The following ZNF532 variants were observed in gnomAD, a reference collection of about 807,000 sequenced individuals.
ZNF532 encodes zinc finger protein 532.
ZNF532 carries 22 observed loss-of-function variants against 89.3 expected under a neutral mutation model. The ratio of observed to expected loss-of-function variants is 0.25; its 90% confidence interval spans 0.18 to 0.35. The LOEUF (loss-of-function observed/expected upper bound fraction) is 0.35, where lower values mean the gene tolerates loss of function less well. Ranked by LOEUF, ZNF532 falls within the 10% of genes least tolerant of loss-of-function variation. ZNF532 has a pLI of 1.00. For missense variants in ZNF532, 1,132 were observed against 1,643.4 expected (o/e 0.69, Z 5.38); for synonymous variants, 606 against 649.6 (o/e 0.93, Z 1.02).
At chr18:58,969,872 CCTTTTT>C (rs2066288346) in intron 7 of ZNF532, among the ~76,000 whole-genome samples, 1 of 134,572 alleles carries the variant, frequency 7.4e-6, no homozygotes, top group African/African-American at 3.0e-5. Context: ...AATATTTGTC[CCTTTTT>C]TTTTTTTTTT....
chr18:58,943,858 A>G (rs970761985), intron 5 of ZNF532, among the ~76,000 whole-genome samples: 1 of 152,176 alleles, frequency 6.6e-6, no homozygotes, highest in Non-Finnish European at 1.5e-5. Context: ...TTTATTTGCA[A>G]TTTCTAAATG....
At chr18:58,965,141 G>C (rs1444072038) in intron 7 of ZNF532, among the ~76,000 whole-genome samples, 1 of 151,754 alleles carries the variant, frequency 6.6e-6, no homozygotes, top group Non-Finnish European at 1.5e-5. Flanking sequence ...TTAATGTAAG[G>C]CTATAAATGT....
intron 7 of ZNF532, among the ~76,000 whole-genome samples, chr18:58,963,770 C>A (rs187571545): frequency 6.8e-6 from 1 of 147,938 alleles, no homozygotes; most frequent in Non-Finnish European, 1.5e-5. Context: ...TGCAGTGAGC[C>A]GCAGTCGTGT....
chr18:58,873,983 A>C (rs570670537), intron 2 of ZNF532, among the ~76,000 whole-genome samples: 1 of 145,374 alleles, frequency 6.9e-6, no homozygotes, highest in South Asian at 2.3e-4. Flanking sequence ...GGAGGATTAA[A>C]TGCATATATA....
At chr18:58,929,022 A>G (rs2061743500) in intron 3 of ZNF532, among the ~76,000 whole-genome samples, 1 of 152,220 alleles carries the variant, frequency 6.6e-6, no homozygotes, top group Admixed American at 6.5e-5. Context: ...TGTGGCATTT[A>G]TATCAGCTGT....
chr18:58,907,071 A>G (rs2059975335), intron 2 of ZNF532, among the ~76,000 whole-genome samples: 1 of 152,124 alleles, frequency 6.6e-6, no homozygotes, highest in Non-Finnish European at 1.5e-5. Context: ...CACAGGTCTC[A>G]CCTCCTCCTC....
chr18:58,915,549 T>C (rs2060544318), intron 2 of ZNF532, among the ~76,000 whole-genome samples: 1 of 152,154 alleles, frequency 6.6e-6, no homozygotes, highest in Admixed American at 6.5e-5. Context: ...CTAACTCTGC[T>C]TTAGCTGGGC....
chr18:58,963,253 C>T (rs916117393), intron 7 of ZNF532, among the ~76,000 whole-genome samples: 4 of 152,116 alleles, frequency 2.6e-5, no homozygotes, highest in African/African-American at 9.7e-5. Flanking sequence ...GTTCCTAAAG[C>T]CTTTAAGAAA....
At chr18:58,878,790 A>G (rs7231131) in intron 2 of ZNF532, among the ~76,000 whole-genome samples, 36,266 of 152,176 alleles carry the variant, frequency 0.24, 5,628 homozygotes, top group East Asian at 0.59. Flanking sequence ...GCCCAGGGTT[A>G]GCAGCTGTCA....
intron 3 of ZNF532, among the ~76,000 whole-genome samples, chr18:58,928,539 C>T (rs944061826): frequency 1.3e-5 from 2 of 152,152 alleles, no homozygotes; most frequent in South Asian, 2.1e-4. Context: ...CTCTGGTACA[C>T]GATCTGGGCC....
At chr18:58,863,879 T>A, upstream of ZNF532, 1 of 151,922 alleles carries the variant, frequency 6.6e-6, no homozygotes, top group Non-Finnish European at 1.5e-5. Flanking sequence ...TCGTGCCCAC[T>A]CCTGCGGGCC....
intron 6 of ZNF532, among the ~76,000 whole-genome samples, chr18:58,952,123 G>A (rs552626482): frequency 6.6e-6 from 1 of 152,232 alleles, no homozygotes; most frequent in Non-Finnish European, 1.5e-5. Context: ...GAGAAAATGT[G>A]ATGGAGAGTG....
At chr18:58,941,967 C>CCTCT (rs2063099989) in intron 5 of ZNF532, among the ~76,000 whole-genome samples, 1 of 133,290 alleles carries the variant, frequency 7.5e-6, no homozygotes, top group Non-Finnish European at 1.7e-5. Flanking sequence ...TCCCTCTCTC[C>CCTCT]CTCCCTCCCT....
At chr18:58,965,656 CTG>C (rs1437482342) in intron 7 of ZNF532, among the ~76,000 whole-genome samples, 2 of 152,208 alleles carry the variant, frequency 1.3e-5, no homozygotes, top group Non-Finnish European at 2.9e-5. Context: ...TTTTGGAAGA[CTG>C]TGAATGTCCT....
chr18:58,931,865 A>C (rs892767993), intron 3 of ZNF532: 1 of 152,218 alleles, frequency 6.6e-6, no homozygotes, highest in African/African-American at 2.4e-5. Flanking sequence ...GCTTGAGGCC[A>C]GGAGGTGGAG....
At chr18:58,872,769 G>A (rs1294160770) in intron 2 of ZNF532, among the ~76,000 whole-genome samples, 5 of 149,338 alleles carry the variant, frequency 3.3e-5, no homozygotes, top group African/African-American at 1.2e-4. Context: ...GCGTGATCTC[G>A]GCTCACTGCA....
intron 2 of ZNF532, among the ~76,000 whole-genome samples, chr18:58,902,152 GC>G (rs1356237571): frequency 1.3e-5 from 2 of 152,152 alleles, no homozygotes; most frequent in African/African-American, 4.8e-5. Flanking sequence ...TCTCTGTGGG[GC>G]CTGGTCTGTG....
intron 6 of ZNF532, 88 bp from the exon 7 acceptor site, chr18:58,953,430 A>T: frequency 8.6e-7 from 1 of 1,160,312 alleles, no homozygotes; most frequent in South Asian, 1.6e-5. Context: ...TGGTGTTGAA[A>T]TGTGTACCAC....
chr18:58,973,009 A>G (rs995610711), intron 7 of ZNF532, among the ~76,000 whole-genome samples: 11 of 152,204 alleles, frequency 7.2e-5, no homozygotes, highest in Non-Finnish European at 1.6e-4. Flanking sequence ...ACATCCCTTT[A>G]ATAATTAAAA....
Sources: gnomAD v4.1 joint callset for allele counts (sites outside exome capture counted in the v4.1 genomes callset) on GRCh38, gnomAD v4.1.1 for gene constraint, MANE v1.5 for transcripts, NCBI Gene and HGNC (gene_info 2026-07-23, HGNC 2026-07-21) for gene names.